COL26A1: variants seen among roughly 807,000 people sequenced by gnomAD.
COL26A1 encodes the protein collagen type XXVI alpha 1 chain.
A neutral mutation model predicts 59.3 loss-of-function variants in COL26A1; 41 were observed. That is an observed-to-expected ratio of 0.69 (90% confidence interval 0.54 to 0.90). The LOEUF (loss-of-function observed/expected upper bound fraction) is 0.90. Ranked by LOEUF, COL26A1 falls within the 40% of genes least tolerant of loss-of-function variation. The pLI is 0.00. For missense variants in COL26A1, 612 were observed against 602.3 expected (o/e 1.02, Z -0.17); for synonymous variants, 266 against 256.0 (o/e 1.04, Z -0.37).
At chr7:101,406,624 G>A (rs1479360289) in intron 1 of COL26A1, among the ~76,000 whole-genome samples, 2 of 152,180 alleles carry the variant, frequency 1.3e-5, no homozygotes, top group Non-Finnish European at 1.5e-5. Flanking sequence ...AGGTACTCCT[G>A]GAACCCCACT....
chr7:101,446,151 A>C (rs1793190751), intron 2 of COL26A1, among the ~76,000 whole-genome samples: 1 of 151,910 alleles, frequency 6.6e-6, no homozygotes, highest in South Asian at 2.1e-4. Flanking sequence ...CTTATCACCA[A>C]GGGGATGGTG....
intron 3 of COL26A1, among the ~76,000 whole-genome samples, chr7:101,461,649 A>G (rs780393344): frequency 3.3e-5 from 5 of 152,112 alleles, no homozygotes; most frequent in African/African-American, 4.8e-5. Context: ...ACACATTGCC[A>G]CTCAAGGTCA....
intron 1 of COL26A1, among the ~76,000 whole-genome samples, chr7:101,376,033 T>A (rs555984913): frequency 1.7e-4 from 24 of 143,558 alleles, no homozygotes; most frequent in Middle Eastern, 4.0e-3. Flanking sequence ...CGGTGATGTG[T>A]GATTGTAGTC....
chr7:101,521,950 G>A (rs1398131956), intron 3 of COL26A1, among the ~76,000 whole-genome samples: 2 of 152,082 alleles, frequency 1.3e-5, no homozygotes, highest in Admixed American at 1.3e-4. Context: ...CATGTGGTTT[G>A]CCTACTGTTC....
chr7:101,495,668 C>T (rs1463819305), intron 3 of COL26A1, among the ~76,000 whole-genome samples: 2 of 151,386 alleles, frequency 1.3e-5, no homozygotes, highest in Non-Finnish European at 2.9e-5. Flanking sequence ...ATCCGCCCAC[C>T]TCGGCCTCCC....
chr7:101,428,071 G>A (rs1792689625), intron 2 of COL26A1, among the ~76,000 whole-genome samples: 1 of 152,160 alleles, frequency 6.6e-6, no homozygotes, highest in Admixed American at 6.6e-5. Flanking sequence ...AAGAGAAAGG[G>A]GAAAGTGTCT....
chr7:101,523,930 A>G lies in COL26A1; in HGVS notation c.386-9152A>G, dbSNP rs536759391. 1.3e-4 allele frequency among the ~76,000 whole-genome samples: 20 copies of G among 152,268 alleles called. No homozygotes were observed. In the South Asian group the frequency reaches 3.9e-3, roughly 30 times the overall value. On this transcript the variant is annotated intron_variant, in intron 3 of 12. Transcript: ENST00000313669. ...TTGACTGGGATTGCATTGACTCTAT[A>G]GATCAACTGGAAGAATTTATATATA...
intron 1 of COL26A1, among the ~76,000 whole-genome samples, chr7:101,378,030 T>C (rs1238107206): frequency 1.3e-5 from 2 of 152,186 alleles, no homozygotes; most frequent in Non-Finnish European, 2.9e-5. Context: ...TTCAGCCTCC[T>C]GAGTAGCTTG....
chr7:101,555,932 C>A, intron 12 of COL26A1, 61 bp downstream of exon 12: 2 of 1,403,422 alleles, frequency 1.4e-6, no homozygotes, highest in South Asian at 1.3e-5. Flanking sequence ...TCTCCCAATG[C>A]TGCCCTCATG....
intron 1 of COL26A1, among the ~76,000 whole-genome samples, chr7:101,363,556 C>G (rs1790959509): frequency 8.4e-6 from 1 of 118,414 alleles, no homozygotes; most frequent in East Asian, 2.5e-4. Context: ...GGGTTGGGGG[C>G]TGCAGACGGG....
rs923513962 is a variant in COL26A1 at position 101,557,770 on chromosome 7, C to T, written c.*240C>T. 1.1e-4 allele frequency: 48 copies of T among 456,062 alleles called. No individual in the cohort carries two copies. The South Asian group carries it at 1.9e-3, about 18-fold the overall frequency. 28.3% of individuals were successfully genotyped at this position (456,062 alleles called of 1,614,324 possible). The stretch of plus-strand genomic sequence containing the variant: ...CCCTACCCCCACTCCCGGCTGGAGA[C>T]GGGGTCTGGGTGGGCTGGGTGCTGG... On this transcript the variant is annotated 3_prime_UTR_variant, in exon 13 of 13. Transcript: ENST00000313669.
chr7:101,471,597 T>TTTTTTTTTTTTTTA, intron 3 of COL26A1, among the ~76,000 whole-genome samples: 1 of 107,606 alleles, frequency 9.3e-6, no homozygotes, highest in African/African-American at 3.2e-5. Context: ...TTTTTTTTTT[T>TTTTTTTTTTTTTTA]GAGACAGAGT....
chr7:101,406,110 C>T (rs572778067), intron 1 of COL26A1, among the ~76,000 whole-genome samples: 36 of 152,340 alleles, frequency 2.4e-4, no homozygotes, highest in African/African-American at 8.7e-4. Flanking sequence ...CCCTGGAAAC[C>T]ATGTCATCGC....
chr7:101,438,348 G>A lies in COL26A1; in HGVS notation c.282-9336G>A, dbSNP rs1474596007. On this transcript the variant is annotated intron_variant, in intron 2 of 12. Transcript: ENST00000313669. ...TGCACTCCAGCCTGGGCAACAGAGC[G>A]AGACTCCGTCTCAAAAAAAAATAAA... Among the ~76,000 whole-genome samples, 5 of 151,492 alleles carry A rather than the reference G, an allele frequency of 3.3e-5. 1 individual carries two copies. Among genetic ancestry groups the A allele is most frequent in the African/African-American group, 9.7e-5 (4 of 41,320 alleles).
At chr7:101,491,931 C>A (rs1440604527) in intron 3 of COL26A1, among the ~76,000 whole-genome samples, 1 of 152,184 alleles carries the variant, frequency 6.6e-6, no homozygotes, top group Non-Finnish European at 1.5e-5. Context: ...GGTTCACATT[C>A]TTCTGATAGT....
chr7:101,551,230 T>TGGGGGGGTGGGG, intron 10 of COL26A1, 87 bp downstream of exon 10: 2 of 113,774 alleles, frequency 1.8e-5, no homozygotes, highest in Non-Finnish European at 3.2e-5. Flanking sequence ...CGGGGGTTGG[T>TGGGGGGGTGGGG]GGGGGGGTTC....
intron 3 of COL26A1, among the ~76,000 whole-genome samples, chr7:101,463,521 CT>C (rs1240751388): frequency 2.0e-5 from 2 of 101,330 alleles, no homozygotes; most frequent in Admixed American, 9.4e-5. Flanking sequence ...CCCTTCCCCC[CT>C]CTTCCCCCTC....
intron 5 of COL26A1, among the ~76,000 whole-genome samples, chr7:101,543,500 C>T (rs573781166): frequency 4.6e-5 from 7 of 152,190 alleles, no homozygotes; most frequent in African/African-American, 2.4e-5. Context: ...CCTGGCCACA[C>T]AGCAAGCCTT....
intron 3 of COL26A1, among the ~76,000 whole-genome samples, chr7:101,476,142 TTGTGTGTGTGTGTGTGTGTG>T (rs56666965): frequency 1.4e-5 from 2 of 146,206 alleles, no homozygotes; most frequent in African/African-American, 5.1e-5. Context: ...TCCCAGCTAA[TTGTGTGTGTGTGTGTGTGTG>T]TGTGTGTGTG....
Sources: gnomAD v4.1 joint callset for allele counts (sites outside exome capture counted in the v4.1 genomes callset) on GRCh38, gnomAD v4.1.1 for gene constraint, MANE v1.5 for transcripts, NCBI Gene and HGNC (gene_info 2026-07-23, HGNC 2026-07-21) for gene names.